Variants in KIAA1549L observed in about 807,000 individuals in gnomAD.
KIAA1549L encodes the protein UPF0606 protein KIAA1549L.
Under a neutral mutation model 160.7 loss-of-function variants are expected in KIAA1549L, and 88 were observed. The observed-to-expected ratio is 0.55, with a 90% CI of 0.46 to 0.65. The LOEUF (loss-of-function observed/expected upper bound fraction) is 0.65, where lower values mean the gene tolerates loss of function less well. Ranked by LOEUF, KIAA1549L falls within the 30% of genes least tolerant of loss-of-function variation. KIAA1549L has a pLI of 0.00. For missense variants in KIAA1549L, 2,258 were observed against 2,437.5 expected (o/e 0.93, Z 1.55); for synonymous variants, 950 against 976.7 (o/e 0.97, Z 0.51).
intron 17 of KIAA1549L, among the ~76,000 whole-genome samples, chr11:33,653,788 G>C (rs758249024): frequency 5.9e-5 from 9 of 151,766 alleles, no homozygotes; most frequent in Non-Finnish European, 8.8e-5. Context: ...TCGGCCCATT[G>C]TGCATCATTC....
intron 1 of KIAA1549L, among the ~76,000 whole-genome samples, chr11:33,419,427 T>C (rs993084272): frequency 2.0e-5 from 3 of 152,246 alleles, no homozygotes; most frequent in Non-Finnish European, 4.4e-5. Flanking sequence ...CACAATGTAT[T>C]TCTATTCTTG....
intron 1 of KIAA1549L, among the ~76,000 whole-genome samples, chr11:33,422,937 C>T (rs1467829487): frequency 1.3e-5 from 2 of 152,220 alleles, no homozygotes; most frequent in African/African-American, 4.8e-5. Flanking sequence ...ATGGCTGAGC[C>T]TGTCTTAAAT....
chr11:33,413,813 C>T (rs542382551), intron 1 of KIAA1549L, among the ~76,000 whole-genome samples: 2 of 152,224 alleles, frequency 1.3e-5, no homozygotes, highest in South Asian at 4.1e-4. Context: ...TATAGCACAC[C>T]GAGGTCCAGT....
intron 10 of KIAA1549L, among the ~76,000 whole-genome samples, chr11:33,576,969 G>A (rs1855471181): frequency 6.6e-6 from 1 of 152,152 alleles, no homozygotes; most frequent in Non-Finnish European, 1.5e-5. Flanking sequence ...AAGGGAATAG[G>A]TGAGAATAAC....
At chr11:33,492,548 G>GTGC (rs1852702170) in intron 1 of KIAA1549L, among the ~76,000 whole-genome samples, 1 of 152,158 alleles carries the variant, frequency 6.6e-6, no homozygotes, top group African/African-American at 2.4e-5. Context: ...ATTTCGCACA[G>GTGC]GTAATAGTCC....
At chr11:33,611,024 T>C (rs1038033335) in intron 15 of KIAA1549L, among the ~76,000 whole-genome samples, 2 of 152,220 alleles carry the variant, frequency 1.3e-5, no homozygotes, top group South Asian at 4.2e-4. Flanking sequence ...GGAACCAAAT[T>C]TCAACATGAG....
At chr11:33,585,060 G>A (rs988829926) in intron 11 of KIAA1549L, among the ~76,000 whole-genome samples, 1 of 152,174 alleles carries the variant, frequency 6.6e-6, no homozygotes, top group Non-Finnish European at 1.5e-5. Flanking sequence ...CACCTGTTTT[G>A]ATGCTGCAGC....
chr11:33,574,631 C>T, intron 9 of KIAA1549L, 71 bp from the exon 10 acceptor site: 1 of 1,436,534 alleles, frequency 7.0e-7, no homozygotes, highest in South Asian at 1.3e-5. Context: ...GGAACATCTG[C>T]TGATCACCTG....
intron 1 of KIAA1549L, among the ~76,000 whole-genome samples, chr11:33,455,495 G>T (rs908855409): frequency 8.1e-5 from 12 of 149,034 alleles, no homozygotes; most frequent in Non-Finnish European, 1.8e-4. Context: ...GGGGATTAAA[G>T]CAATCATATA....
chr11:33,488,770 G>A (rs113311450), intron 1 of KIAA1549L, among the ~76,000 whole-genome samples: 2,839 of 152,270 alleles, frequency 0.019, 96 homozygotes, highest in African/African-American at 0.065. Context: ...GCATTCATGT[G>A]TCAGAGTTTC....
At chr11:33,504,045 A>C (rs1401658184) in intron 1 of KIAA1549L, among the ~76,000 whole-genome samples, 2 of 152,222 alleles carry the variant, frequency 1.3e-5, no homozygotes, top group Non-Finnish European at 2.9e-5. Context: ...GGATCACTTG[A>C]GGTCAGGAGT....
intron 16 of KIAA1549L, among the ~76,000 whole-genome samples, chr11:33,620,145 A>G (rs1400422864): frequency 6.6e-6 from 1 of 152,228 alleles, no homozygotes; most frequent in Non-Finnish European, 1.5e-5. Flanking sequence ...CCACAGTGAC[A>G]TGACTTGCAG....
chr11:33,431,615 C>CA (rs1472324450), intron 1 of KIAA1549L, among the ~76,000 whole-genome samples: 1 of 152,206 alleles, frequency 6.6e-6, no homozygotes. Flanking sequence ...GGTGTATTTA[C>CA]AATCCCTGAC....
At chr11:33,528,048 A>G (rs1202657610) in intron 1 of KIAA1549L, among the ~76,000 whole-genome samples, 1 of 152,272 alleles carries the variant, frequency 6.6e-6, no homozygotes, top group Non-Finnish European at 1.5e-5. Context: ...GCTTGCTGCC[A>G]CTTAAGATGT....
chr11:33,401,254 ATACAT>A (rs1319484814), intron 1 of KIAA1549L, among the ~76,000 whole-genome samples: 1 of 148,048 alleles, frequency 6.8e-6, no homozygotes, highest in Non-Finnish European at 1.5e-5. Context: ...GTATATATAA[ATACAT>A]TATATTTATA....
At chr11:33,496,073 C>T (rs910682907) in intron 1 of KIAA1549L, among the ~76,000 whole-genome samples, 1 of 152,072 alleles carries the variant, frequency 6.6e-6, no homozygotes, top group African/African-American at 2.4e-5. Flanking sequence ...AGCAGTTATC[C>T]CTGCCTCAGC....
intron 1 of KIAA1549L, among the ~76,000 whole-genome samples, chr11:33,524,382 TTTTAA>T (rs1469060282): frequency 2.0e-5 from 3 of 152,142 alleles, no homozygotes; most frequent in Non-Finnish European, 2.9e-5. Context: ...TATTTTACTC[TTTTAA>T]TTTTTCTTCC....
chr11:33,611,116 G>C (rs186053392), intron 15 of KIAA1549L, among the ~76,000 whole-genome samples: 15 of 152,178 alleles, frequency 9.9e-5, no homozygotes, highest in African/African-American at 3.4e-4. Context: ...TCACATGCAC[G>C]GTCAAAGGCA....
intron 15 of KIAA1549L, among the ~76,000 whole-genome samples, chr11:33,615,990 A>G (rs556374115): frequency 6.6e-6 from 1 of 152,328 alleles, no homozygotes; most frequent in East Asian, 1.9e-4. Flanking sequence ...CCCTAAAGGA[A>G]GCCTCTAATT....
Sources: allele counts gnomAD v4.1 joint callset (sites outside exome capture counted in the v4.1 genomes callset), GRCh38; gene constraint gnomAD v4.1.1; transcripts MANE v1.5; gene names NCBI Gene and HGNC (gene_info 2026-07-23, HGNC 2026-07-21).